The following RCBTB2 variants were observed in gnomAD, a reference collection of about 807,000 sequenced individuals.
RCBTB2 encodes the protein RCC1 and BTB domain-containing protein 2.
RCBTB2 carries 55 observed loss-of-function variants against 65.4 expected under a neutral mutation model. The ratio of observed to expected loss-of-function variants is 0.84; its 90% confidence interval spans 0.68 to 1.05. RCBTB2 has a LOEUF of 1.05. Ranked by LOEUF, RCBTB2 falls within the 50% of genes least tolerant of loss-of-function variation. The pLI is 0.00. For synonymous variants in RCBTB2, 220 were observed against 255.2 expected (o/e 0.86, Z 1.31); for missense variants, 599 against 680.1 (o/e 0.88, Z 1.33).
At chr13:48,527,165 T>C (rs569811682) in intron 1 of RCBTB2, among the ~76,000 whole-genome samples, 2 of 151,460 alleles carry the variant, frequency 1.3e-5, no homozygotes, top group Admixed American at 6.6e-5. Flanking sequence ...GGCAACAGTA[T>C]TGGGAAGATT....
chr13:48,491,310 A>G (rs892351000), intron 14 of RCBTB2, among the ~76,000 whole-genome samples: 1 of 152,178 alleles, frequency 6.6e-6, no homozygotes, highest in African/African-American at 2.4e-5. Flanking sequence ...TTTTCTTTTA[A>G]GAAAAGAAAG....
chr13:48,535,273 T>TG (rs1167032039), upstream of RCBTB2, among the ~76,000 whole-genome samples: 2 of 150,132 alleles, frequency 1.3e-5, no homozygotes, highest in African/African-American at 5.0e-5. Flanking sequence ...TTTTTTTTTT[T>TG]GAGATAGAAT....
At chr13:48,496,944 T>A (rs1001788557) in intron 13 of RCBTB2, among the ~76,000 whole-genome samples, 15 of 152,032 alleles carry the variant, frequency 9.9e-5, no homozygotes, top group African/African-American at 3.1e-4. Context: ...GACAGAGCTA[T>A]CTGTATCTGC....
At chr13:48,514,287 A>C (rs9316387) in intron 6 of RCBTB2, among the ~76,000 whole-genome samples, 16,500 of 152,212 alleles carry the variant, frequency 0.11, 2,389 homozygotes, top group African/African-American at 0.33. Flanking sequence ...TATGGCAGAG[A>C]TGCTGGACAA....
chr13:48,490,204 TAC>T lies in RCBTB2; in HGVS notation c.1561_1562del (p.Val521SerfsTer13). 1 of 1,613,678 alleles carries T rather than the reference TAC, an allele frequency of 6.2e-7. No homozygotes were observed. The highest frequency in any genetic ancestry group is 1.1e-5 in the South Asian group (1 of 91,080). On this transcript the variant is annotated frameshift_variant, in exon 15 of 15. Coordinates refer to ENST00000344532, the MANE Select transcript of RCBTB2 (RefSeq NM_001268.4). LOFTEE classifies it high-confidence loss of function. ...CFRFCINHLT[V>X]VTQTSGFAEM... ...CTGCAAAACCTGATGTTTGTGTTAC[TAC>T]AGTCAGATGGTTTATGCAAAACCTG...
At chr13:48,501,191 G>A (rs565230924) in intron 12 of RCBTB2, among the ~76,000 whole-genome samples, 5 of 152,286 alleles carry the variant, frequency 3.3e-5, no homozygotes, top group South Asian at 2.1e-4. Flanking sequence ...TTTCACAGGC[G>A]TAGACATGTG....
intron 12 of RCBTB2, among the ~76,000 whole-genome samples, chr13:48,500,926 CTGTGT>C (rs1484780637): frequency 6.6e-6 from 1 of 152,184 alleles, no homozygotes; most frequent in East Asian, 1.9e-4. Context: ...GACTAAAATG[CTGTGT>C]TGAGTGTGTG....
At chr13:48,522,206 A>T in intron 3 of RCBTB2, 102 bp downstream of exon 3, 1 of 814,936 alleles carries the variant, frequency 1.2e-6, no homozygotes, top group Non-Finnish European at 2.0e-6. Flanking sequence ...CTGAAAAAGT[A>T]GTCTCAAAAT....
At position 48,515,741 on chromosome 13, in the gene RCBTB2, G is replaced by C. The variant is rs139796076; in HGVS notation, c.43C>G (p.Pro15Ala). ...LPLFSGDSGK[P>A]VQATLSSLKM... Reference sequence around the variant, plus strand: ...AAAGATGACAGAGTAGCCTGTACTGGCTGAAAAGGAAAAAATATATGTTGA... The same window carrying C: ...AAAGATGACAGAGTAGCCTGTACTGCCTGAAAAGGAAAAAATATATGTTGA... The change falls in exon 5 of 15, where the codon CCA becomes GCA. Residue 15 changes from proline (P) to alanine (A), a missense_variant and splice_region_variant. Pro to Ala is a conservative substitution (Grantham distance 27, BLOSUM62 -1). Transcript: ENST00000344532. The C allele has an allele frequency of 8.2e-6, 13 of 1,590,250 alleles. No individual in the cohort carries two copies. Among genetic ancestry groups the C allele is most frequent in the Non-Finnish European group, 3.4e-6 (4 of 1,174,024 alleles).
At chr13:48,517,333 A>T (rs1024805436) in intron 4 of RCBTB2, among the ~76,000 whole-genome samples, 3 of 152,148 alleles carry the variant, frequency 2.0e-5, no homozygotes, top group Admixed American at 1.3e-4. Flanking sequence ...GCTGTGACTC[A>T]TTTCCAGATT....
Position 48,512,896 on chromosome 13 carries a change from C to G in RCBTB2, c.350-1G>C. On this transcript the variant is annotated splice_acceptor_variant, in intron 6 of 14. Transcript: ENST00000344532. LOFTEE classifies it high-confidence loss of function. ...TGACCCCAGGTAAAGACTTCTCCTT[C>G]TGAAAATAAAAAGAAAGACAATCAG... The G allele has an allele frequency of 6.2e-7, 1 of 1,600,484 alleles. No individual in the cohort carries two copies. The highest frequency in any genetic ancestry group is 8.5e-7 in the Non-Finnish European group (1 of 1,172,710).
At chr13:48,499,826 C>A in intron 12 of RCBTB2, 66 bp from the exon 13 acceptor site, 2 of 1,582,860 alleles carry the variant, frequency 1.3e-6, no homozygotes, top group Non-Finnish European at 1.7e-6. Context: ...TCTGTGAGGA[C>A]CACGTTCTTC....
chr13:48,492,098 A>G (rs563445445), intron 14 of RCBTB2, among the ~76,000 whole-genome samples: 200 of 151,984 alleles, frequency 1.3e-3, no homozygotes, highest in Non-Finnish European at 2.6e-3. Flanking sequence ...TTCTCCCCAT[A>G]AGCCTGACAT....
chr13:48,518,795 T>A lies in RCBTB2; in HGVS notation c.43-3054A>T, dbSNP rs560591742. Among the ~76,000 whole-genome samples the A allele has an allele frequency of 5.1e-4, 78 of 152,218 alleles. No individual in the cohort carries two copies. The South Asian group carries it at 0.015, about 30-fold the overall frequency. On this transcript the variant is annotated intron_variant, in intron 4 of 14. Coordinates refer to ENST00000344532, the MANE Select transcript of RCBTB2 (RefSeq NM_001268.4). ...GCCACAATAGAGCTAAGGATGGAATTTTGTTACGTTAGCTTTTAGTTAAGC... is the reference window on the plus strand; with the variant it reads ...GCCACAATAGAGCTAAGGATGGAATATTGTTACGTTAGCTTTTAGTTAAGC...
intron 13 of RCBTB2, among the ~76,000 whole-genome samples, chr13:48,499,271 A>G (rs1450275872): frequency 6.6e-6 from 1 of 152,086 alleles, no homozygotes; most frequent in African/African-American, 2.4e-5. Context: ...CTCCTAAGCC[A>G]CTGGGCACAG....
chr13:48,528,125 A>G (rs1951904921), intron 1 of RCBTB2, among the ~76,000 whole-genome samples: 2 of 152,212 alleles, frequency 1.3e-5, no homozygotes, highest in African/African-American at 4.8e-5. Flanking sequence ...GAAAGCAAAT[A>G]CATGAGAGCA....
chr13:48,490,131 C>T lies in RCBTB2; in HGVS notation c.1636G>A (p.Val546Ile), dbSNP rs769605835. ...TGGGATCAATTTTTAAAGGCTCCAA[C>T]TCTGCTTGCTTTGCTGATAAAGTTC... ...LKNFISKASR[V>I]GAFKN Residue 546 changes from valine to isoleucine, a missense_variant, in exon 15 of 15, where the codon GTT (valine) becomes ATT (isoleucine). By Grantham distance (29) the Val-to-Ile change is conservative. Transcript: ENST00000344532. The T allele has an allele frequency of 2.9e-5, 46 of 1,613,996 alleles. No homozygotes were observed. Among genetic ancestry groups the T allele is most frequent in the Admixed American group, 5.0e-5 (3 of 59,996 alleles).
intron 6 of RCBTB2, among the ~76,000 whole-genome samples, chr13:48,514,393 T>C (rs1950972504): frequency 6.6e-6 from 1 of 152,236 alleles, no homozygotes; most frequent in African/African-American, 2.4e-5. Flanking sequence ...ATTGTTTATT[T>C]TGGAAATTTT....
chr13:48,516,215 T>C (rs1213453087), intron 4 of RCBTB2, among the ~76,000 whole-genome samples: 1 of 152,220 alleles, frequency 6.6e-6, no homozygotes, highest in Non-Finnish European at 1.5e-5. Flanking sequence ...TTTTAGTTCA[T>C]GGGCAAGCTT....
Sources: gnomAD v4.1 joint callset for allele counts (sites outside exome capture counted in the v4.1 genomes callset) on GRCh38, gnomAD v4.1.1 for gene constraint, MANE v1.5 for transcripts, NCBI Gene and HGNC (gene_info 2026-07-23, HGNC 2026-07-21) for gene names.